Variants in RIPOR3 observed in about 807,000 individuals in gnomAD.
RIPOR3 encodes RIPOR family member 3.
In RIPOR3, 95 loss-of-function variants were observed where a neutral mutation model predicts 114.3. The ratio of observed to expected loss-of-function variants is 0.83; its 90% confidence interval spans 0.70 to 0.99. RIPOR3 has a LOEUF of 0.99. Among genes scored for constraint, RIPOR3 ranks in the 50% least tolerant of loss-of-function variants. The probability of loss-of-function intolerance (pLI) is 0.00; values close to 1 mark genes in which losing one functional copy is unlikely to be tolerated. For synonymous variants in RIPOR3, 575 were observed against 543.8 expected, an observed-to-expected ratio of 1.06 and a Z score of -0.80; for missense variants, 1,252 against 1,266.9, an observed-to-expected ratio of 0.99 and a Z score of 0.18.
intron 1 of RIPOR3, chr20:50,636,717 G>A (rs1257490258): frequency 2.0e-6 from 2 of 985,448 alleles, no homozygotes; most frequent in Admixed American, 1.2e-4. Flanking sequence ...CAGACACTGG[G>A]GACTGTCCTG....
chr20:50,643,045 T>A (rs975658765), intron 1 of RIPOR3, among the ~76,000 whole-genome samples: 10 of 148,284 alleles, frequency 6.7e-5, no homozygotes, highest in African/African-American at 2.0e-4. Flanking sequence ...CGAAACTCCA[T>A]CTCAAAAAAA....
intron 20 of RIPOR3, 23 bp from the exon 21 acceptor site, chr20:50,587,915 G>T (rs751353711): frequency 1.2e-6 from 2 of 1,612,442 alleles, no homozygotes; most frequent in African/African-American, 1.3e-5. Context: ...AGGAGAAAAA[G>T]AACCCTTTAG....
intron 17 of RIPOR3, 101 bp downstream of exon 17, chr20:50,594,452 A>C (rs1368509614): frequency 7.3e-7 from 1 of 1,364,368 alleles, no homozygotes; most frequent in African/African-American, 1.4e-5. Flanking sequence ...ACAGAGGTGA[A>C]GACAGGGCTG....
intron 1 of RIPOR3, among the ~76,000 whole-genome samples, chr20:50,633,813 G>A (rs7260816): frequency 6.6e-6 from 1 of 152,112 alleles, no homozygotes; most frequent in African/African-American, 2.4e-5. Flanking sequence ...GGAAACTAAG[G>A]CTCGGAGCAG....
In RIPOR3 at chr20:50,617,467, C is replaced by T. The variant is rs2084219137; in HGVS notation, c.270-1387G>A. Among the ~76,000 whole-genome samples, 3 of 152,184 alleles carry T rather than the reference C, an allele frequency of 2.0e-5. No homozygotes were observed. In the South Asian group the frequency reaches 6.2e-4, roughly 32 times the overall value. On this transcript the variant is annotated intron_variant, in intron 3 of 21. Coordinates refer to ENST00000327979, the MANE Select transcript of RIPOR3 (RefSeq NM_001290268.2). ...AATCCCAGCTTGCTGCAGCCTCCAC[C>T]TCTACAGGATTTTGCCATATTCCCA...
At chr20:50,664,842 C>G (rs1332320509) in intron 1 of RIPOR3, among the ~76,000 whole-genome samples, 4 of 152,172 alleles carry the variant, frequency 2.6e-5, no homozygotes, top group African/African-American at 9.6e-5. Flanking sequence ...TGGCTCACAC[C>G]TGTAATCCCA....
intron 2 of RIPOR3, among the ~76,000 whole-genome samples, chr20:50,623,634 G>C (rs1385360511): frequency 6.6e-6 from 1 of 152,140 alleles, no homozygotes; most frequent in Middle Eastern, 3.2e-3. Context: ...ACAATGACAA[G>C]TAATGTCTCT....
intron 1 of RIPOR3, among the ~76,000 whole-genome samples, chr20:50,678,617 T>C (rs1410889701): frequency 6.6e-6 from 1 of 152,162 alleles, no homozygotes; most frequent in East Asian, 1.9e-4. Context: ...GGAACTGATC[T>C]CACGTCCATC....
chr20:50,623,116 C>T (rs1033583095), intron 2 of RIPOR3, among the ~76,000 whole-genome samples: 4 of 151,828 alleles, frequency 2.6e-5, no homozygotes, highest in Non-Finnish European at 5.9e-5. Context: ...AAAAAATTAG[C>T]CAGGCGTGGT....
At chr20:50,620,712 G>C (rs1401019165) in intron 2 of RIPOR3, 9 of 347,262 alleles carry the variant, frequency 2.6e-5, no homozygotes, top group Non-Finnish European at 4.7e-5. Flanking sequence ...ATTAAAAGAA[G>C]AGTAATAAAG....
At chr20:50,684,170 TGAGACGTGTGTGGTAAG>T (rs113333851) in intron 1 of RIPOR3, among the ~76,000 whole-genome samples, 8,999 of 152,048 alleles carry the variant, frequency 0.059, 336 homozygotes, top group South Asian at 0.12. Context: ...TGTTAGATGA[TGAGACGTGTGTGGTAAG>T]GAGAAAAATA....
intron 1 of RIPOR3, among the ~76,000 whole-genome samples, chr20:50,679,135 A>AAATATATATATATATAT (rs2086773516): frequency 9.6e-5 from 2 of 20,774 alleles, no homozygotes; most frequent in African/African-American, 2.6e-4. Context: ...AAAAAAAAAA[A>AAATATATATATATATAT]ATATATATAT....
intron 1 of RIPOR3, among the ~76,000 whole-genome samples, chr20:50,641,418 T>C (rs2085189986): frequency 6.6e-6 from 1 of 152,212 alleles, no homozygotes; most frequent in Non-Finnish European, 1.5e-5. Context: ...GGTCTCTCTA[T>C]GTGGCCCAGG....
At chr20:50,592,740 T>C (rs2083154020) in intron 18 of RIPOR3, among the ~76,000 whole-genome samples, 194 bp from the exon 19 acceptor site, 1 of 151,974 alleles carries the variant, frequency 6.6e-6, no homozygotes, top group South Asian at 2.1e-4. Context: ...TAACAAGGGG[T>C]CAAATATGCT....
intron 1 of RIPOR3, among the ~76,000 whole-genome samples, chr20:50,667,491 A>G (rs1402842610): frequency 6.6e-6 from 1 of 151,858 alleles, no homozygotes; most frequent in African/African-American, 2.4e-5. Flanking sequence ...ACGGGGTTTC[A>G]CCATGTTGGT....
intron 21 of RIPOR3, 46 bp downstream of exon 21, chr20:50,587,756 G>C (rs752708232): frequency 1.9e-6 from 3 of 1,590,174 alleles, no homozygotes; most frequent in Admixed American, 1.7e-5. Flanking sequence ...AGATTCTAAG[G>C]GCCCCAGGCA....
At chr20:50,637,086 G>A (rs1482066172) in intron 1 of RIPOR3, among the ~76,000 whole-genome samples, 1 of 152,184 alleles carries the variant, frequency 6.6e-6, no homozygotes, top group Non-Finnish European at 1.5e-5. Context: ...ACAGGCGCCC[G>A]AGGAGGCTTC....
Position 50,597,781 on chromosome 20 carries a change from G to T in RIPOR3, c.1660-71C>A, listed in dbSNP as rs532757648. On this transcript the variant is annotated intron_variant, in intron 13 of 21. Transcript: ENST00000327979. Reference sequence around the variant, plus strand: ...CACCCGACTGGGACACTGGCCAGGGGCCTCACGGCAGACTTGGGCAATGTC... The same window carrying T: ...CACCCGACTGGGACACTGGCCAGGGTCCTCACGGCAGACTTGGGCAATGTC... The T allele has an allele frequency of 5.1e-6, 8 of 1,557,410 alleles. No homozygotes were observed. In the Admixed American group the frequency reaches 9.2e-5, roughly 18 times the overall value.
intron 2 of RIPOR3, among the ~76,000 whole-genome samples, chr20:50,627,540 G>A (rs868200937): frequency 1.0e-4 from 14 of 138,874 alleles, no homozygotes; most frequent in Non-Finnish European, 1.8e-4. Flanking sequence ...AAAATTAGCC[G>A]GGCGTGGTGG....
Sources: gnomAD v4.1 joint callset for allele counts (sites outside exome capture counted in the v4.1 genomes callset) on GRCh38, gnomAD v4.1.1 for gene constraint, MANE v1.5 for transcripts, NCBI Gene and HGNC (gene_info 2026-07-23, HGNC 2026-07-21) for gene names.